RCSD1: variants seen among roughly 807,000 people sequenced by gnomAD.
RCSD1 encodes the protein RCSD domain containing 1.
RCSD1 carries 26 observed loss-of-function variants against 42.5 expected under a neutral mutation model. The ratio of observed to expected loss-of-function variants is 0.61; its 90% CI spans 0.45 to 0.85. RCSD1 has a LOEUF of 0.85. Among genes scored for constraint, RCSD1 ranks in the 40% least tolerant of loss-of-function variants. The probability of loss-of-function intolerance (pLI) is 0.00; values close to 1 mark genes in which losing one functional copy is unlikely to be tolerated. For missense variants in RCSD1, 571 were observed against 528.3 expected (o/e 1.08, Z -0.79); for synonymous variants, 220 against 212.2 (o/e 1.04, Z -0.32).
At chr1:167,663,825 GACA>G (rs1272056524) in intron 1 of RCSD1, 1 of 152,250 alleles carries the variant, frequency 6.6e-6, no homozygotes, top group Non-Finnish European at 1.5e-5. Context: ...TATCTTAGGT[GACA>G]ACAACAATAG....
chr1:167,684,825 G>A (rs1489454430), intron 2 of RCSD1, among the ~76,000 whole-genome samples: 1 of 152,188 alleles, frequency 6.6e-6, no homozygotes, highest in African/African-American at 2.4e-5. Flanking sequence ...AGTGAGCCGA[G>A]ATGGTAACAT....
rs1193489592 is a variant in RCSD1, at chr1:167,697,117, A to T, written c.493A>T (p.Ile165Leu). 1.2e-6 allele frequency: 2 copies of T among 1,613,138 alleles called. No individual in the cohort carries two copies. Among genetic ancestry groups the T allele is most frequent in the South Asian group, 2.2e-5 (2 of 90,944 alleles). Reference sequence around the variant, plus strand: ...CTTCTAGGTGCGGACGAGGGGCTCAATAAAAAGGCGCCCTCCCTCCAGGCG... The same window carrying T: ...CTTCTAGGTGCGGACGAGGGGCTCATTAAAAAGGCGCCCTCCCTCCAGGCG... ...CYNKVRTRGSIKRRPPSRRFR... is the reference protein window; with the variant it reads ...CYNKVRTRGSLKRRPPSRRFR... Residue 165 changes from isoleucine to leucine, a missense_variant, in exon 6 of 7, where the codon ATA becomes TTA. Transcript: ENST00000367854.
At position 167,697,582 on chromosome 1, in the gene RCSD1, G is replaced by C; in HGVS notation, c.958G>C (p.Glu320Gln). The C allele has an allele frequency of 6.2e-7, 1 of 1,608,230 alleles. No homozygotes were observed. ...GGAAAAGGCTACAGAGGTGAAGGGG[G>C]AGAGGGTGCAAAATGAAGAGGTGGG... ...EMEKATEVKG[E>Q]RVQNEEVGPE... Residue 320 changes from glutamate to glutamine, a missense_variant, in exon 6 of 7, where the codon GAG (glutamate) becomes CAG (glutamine). Physicochemically the swap from Glu to Gln is conservative, Grantham distance 29 (BLOSUM62 2). Coordinates refer to ENST00000367854, the MANE Select transcript of RCSD1 (RefSeq NM_052862.4).
chr1:167,648,029 CA>C (rs142913976), intron 1 of RCSD1, among the ~76,000 whole-genome samples: 1,713 of 151,882 alleles, frequency 0.011, 31 homozygotes, highest in African/African-American at 0.038. Flanking sequence ...TCGAATTTTC[CA>C]CATCTTTATT....
At chr1:167,694,522 G>T (rs1659452028) in intron 5 of RCSD1, among the ~76,000 whole-genome samples, 1 of 152,184 alleles carries the variant, frequency 6.6e-6, no homozygotes, top group Admixed American at 6.5e-5. Context: ...TCCCCTTGCT[G>T]TAACTGTGCC....
chr1:167,637,199 A>G (rs1657882248), intron 1 of RCSD1, among the ~76,000 whole-genome samples: 2 of 152,202 alleles, frequency 1.3e-5, no homozygotes, highest in Admixed American at 1.3e-4. Context: ...AAGAGTGACA[A>G]GAGCAAAGCT....
At position 167,690,376 on chromosome 1, in the gene RCSD1, G is replaced by A. The variant is rs149417092; in HGVS notation, c.270+256G>A. 1.4e-3 allele frequency among the ~76,000 whole-genome samples: 219 copies of A among 152,240 alleles called. 2 individuals are homozygous for A. Among genetic ancestry groups the A allele is most frequent in the Middle Eastern group, 6.8e-3 (2 of 294 alleles). On this transcript the variant is annotated intron_variant, in intron 4 of 6. Transcript: ENST00000367854. The stretch of plus-strand genomic sequence containing the variant: ...TTAGTGGTGGGGGTTGATGGGTAAC[G>A]GGATACCTCAAGAGTCTGTATGGGG...
Position 167,707,533 on chromosome 1 carries a change from G to A in RCSD1, c.*2837G>A, listed in dbSNP as rs1368431821. Among the ~76,000 whole-genome samples, 1 of 151,774 alleles carries A rather than the reference G, an allele frequency of 6.6e-6. No homozygotes were observed. Among genetic ancestry groups the A allele is most frequent in the Non-Finnish European group, 1.5e-5 (1 of 67,990 alleles). On this transcript the variant is annotated 3_prime_UTR_variant, in exon 7 of 7. Coordinates refer to ENST00000367854, the MANE Select transcript of RCSD1 (RefSeq NM_052862.4). The stretch of plus-strand genomic sequence containing the variant: ...AAATACAGTCACCCAAGTGATGTCA[G>A]GAATCTCTCATGGTATTGGTCTCTG...
chr1:167,684,091 G>A lies in RCSD1; in HGVS notation c.108+90G>A, dbSNP rs1009554031. 14 of 1,043,412 alleles carry A rather than the reference G, an allele frequency of 1.3e-5. No homozygotes were observed. In the African/African-American group the frequency reaches 1.9e-4, roughly 14 times the overall value. The allele number at this position is 1,043,412 out of a possible 1,614,324, so 64.6% of individuals were successfully genotyped here. A position where few individuals can be genotyped will look rare whatever the true frequency, so the allele number is the denominator to read the frequency against. On this transcript the variant is annotated intron_variant, in intron 2 of 6. Coordinates refer to ENST00000367854, the MANE Select transcript of RCSD1 (RefSeq NM_052862.4). ...GGCCCAGCGGAGAGGGAGGGAGGAG[G>A]CTTGGTAGTTACCAAATTAGGAAGA...
intron 5 of RCSD1, 26 bp downstream of exon 5, chr1:167,694,328 G>T (rs111841092): frequency 1.2e-5 from 20 of 1,602,334 alleles, no homozygotes; most frequent in Non-Finnish European, 1.5e-5. Flanking sequence ...AGATTATGGC[G>T]GTGTGTCTGT....
At chr1:167,681,370 A>G (rs7530473) in intron 1 of RCSD1, among the ~76,000 whole-genome samples, 2,062 of 152,286 alleles carry the variant, frequency 0.014, 50 homozygotes, top group African/African-American at 0.047. Flanking sequence ...GAGGATGGGA[A>G]GTGTCTGGAG....
At chr1:167,647,195 T>A (rs897653035) in intron 1 of RCSD1, among the ~76,000 whole-genome samples, 12 of 151,546 alleles carry the variant, frequency 7.9e-5, no homozygotes, top group African/African-American at 2.7e-4. Context: ...GCACATGTCT[T>A]TAAGTGCTTT....
chr1:167,698,840 C>G (rs993276083), intron 6 of RCSD1, among the ~76,000 whole-genome samples: 6 of 151,752 alleles, frequency 4.0e-5, no homozygotes, highest in Admixed American at 6.6e-5. Context: ...CGCTGTGTCG[C>G]CCAGGCTGGA....
intron 1 of RCSD1, among the ~76,000 whole-genome samples, chr1:167,658,447 A>T (rs1332910444): frequency 6.6e-6 from 1 of 152,060 alleles, no homozygotes; most frequent in African/African-American, 2.4e-5. Flanking sequence ...GTTTTTTGAG[A>T]TGAAGTCTCG....
chr1:167,688,731 A>T (rs917994351), intron 3 of RCSD1, among the ~76,000 whole-genome samples: 6 of 152,196 alleles, frequency 3.9e-5, no homozygotes, highest in African/African-American at 1.4e-4. Context: ...ATCATCTCAC[A>T]TTATAAATAT....
chr1:167,697,465 G>A lies in RCSD1; in HGVS notation c.841G>A (p.Val281Ile). The change falls in exon 6 of 7, where the codon GTC (valine) becomes ATC (isoleucine). Residue 281 changes from valine to isoleucine, a missense_variant. Val to Ile is a conservative substitution (Grantham distance 29). Transcript: ENST00000367854. ...CGGCCAGCACCCGGCCCAAGAGGAGGTCCCGGAATCGCCCCAGACCTCTGG... is the reference window on the plus strand; with the variant it reads ...CGGCCAGCACCCGGCCCAAGAGGAGATCCCGGAATCGCCCCAGACCTCTGG... ...VDGQHPAQEE[V>I]PESPQTSGPE... 1 of 1,611,188 alleles carries A rather than the reference G, an allele frequency of 6.2e-7. No individual in the cohort carries two copies. Among genetic ancestry groups the A allele is most frequent in the Non-Finnish European group, 8.5e-7 (1 of 1,178,728 alleles).
At chr1:167,698,007 T>C (rs1659544385) in intron 6 of RCSD1, among the ~76,000 whole-genome samples, 165 bp downstream of exon 6, 2 of 152,222 alleles carry the variant, frequency 1.3e-5, no homozygotes, top group Non-Finnish European at 2.9e-5. Flanking sequence ...AGGCTGTCGC[T>C]GAGGCTGAGG....
Position 167,639,423 on chromosome 1 carries a change from C to A in RCSD1, c.6+8994C>A, listed in dbSNP as rs575855711. On this transcript the variant is annotated intron_variant, in intron 1 of 6. Coordinates refer to ENST00000367854, the MANE Select transcript of RCSD1 (RefSeq NM_052862.4). ...GCTCAGCTCTCTAGGTCTTCCCTAG[C>A]AAGCACTACTATCTGTGGGGATAGG... Among the ~76,000 whole-genome samples, 7 of 152,278 alleles carry A rather than the reference C, an allele frequency of 4.6e-5. No homozygotes were observed. In the South Asian group the frequency reaches 1.4e-3, roughly 32 times the overall value.
At chr1:167,657,548 G>A (rs186539907) in intron 1 of RCSD1, among the ~76,000 whole-genome samples, 50 of 152,246 alleles carry the variant, frequency 3.3e-4, no homozygotes, top group African/African-American at 8.9e-4. Context: ...GCTTCAAGGT[G>A]CATACATTTA....
Sources: gnomAD v4.1 joint callset for allele counts (sites outside exome capture counted in the v4.1 genomes callset) on GRCh38, gnomAD v4.1.1 for gene constraint, MANE v1.5 for transcripts, NCBI Gene and HGNC (gene_info 2026-07-23, HGNC 2026-07-21) for gene names.